The following TMEM87A variants were observed in gnomAD, a reference collection of about 807,000 sequenced individuals.
TMEM87A encodes transmembrane protein 87A.
Under a neutral mutation model 90.0 loss-of-function variants are expected in TMEM87A, and 50 were observed. The ratio of observed to expected loss-of-function variants is 0.56; its 90% confidence interval spans 0.44 to 0.70. The LOEUF is 0.70. TMEM87A is among the 30% of genes least tolerant of loss of function. TMEM87A has a pLI of 0.00. For missense variants in TMEM87A, 577 were observed against 660.5 expected, an observed-to-expected ratio of 0.87 and a Z score of 1.39; for synonymous variants, 226 against 226.7, an observed-to-expected ratio of 1.00 and a Z score of 0.03.
intron 6 of TMEM87A, among the ~76,000 whole-genome samples, chr15:42,253,252 C>G (rs2051117693): frequency 6.6e-6 from 1 of 152,192 alleles, no homozygotes; most frequent in Non-Finnish European, 1.5e-5. Context: ...AAGGTCTTTT[C>G]TGATCGTATG....
chr15:42,229,423 C>CA (rs907683298), intron 12 of TMEM87A, among the ~76,000 whole-genome samples: 54 of 143,584 alleles, frequency 3.8e-4, no homozygotes, highest in African/African-American at 9.2e-4. Flanking sequence ...TCTAGAGAAA[C>CA]AAAAAAAAAA....
chr15:42,221,998 T>A (rs1002539712), intron 15 of TMEM87A, among the ~76,000 whole-genome samples: 5 of 152,164 alleles, frequency 3.3e-5, no homozygotes, highest in African/African-American at 1.2e-4. Flanking sequence ...CAAGCAATCC[T>A]CCCGGCCAGA....
At chr15:42,220,170 A>T (rs777944688) in intron 15 of TMEM87A, 35 bp from the exon 16 acceptor site, 15 of 1,542,940 alleles carry the variant, frequency 9.7e-6, no homozygotes, top group South Asian at 1.2e-5. Flanking sequence ...GGAAAAAATT[A>T]GAAAACTTCA....
At chr15:42,254,013 TATTA>T (rs1005077376) in intron 6 of TMEM87A, among the ~76,000 whole-genome samples, 2 of 152,210 alleles carry the variant, frequency 1.3e-5, no homozygotes, top group African/African-American at 4.8e-5. Flanking sequence ...CCATCTCAAC[TATTA>T]ATTATTTTGT....
At chr15:42,248,746 T>G (rs577361883) in intron 6 of TMEM87A, among the ~76,000 whole-genome samples, 13 of 152,266 alleles carry the variant, frequency 8.5e-5, no homozygotes, top group Non-Finnish European at 1.9e-4. Flanking sequence ...AAAATTCTCT[T>G]TTTTTTGTTG....
intron 14 of TMEM87A, 148 bp downstream of exon 14, chr15:42,227,563 G>T (rs1001231832): frequency 6.3e-6 from 4 of 631,310 alleles, no homozygotes; most frequent in Non-Finnish European, 1.1e-5. Flanking sequence ...AGAATACTTA[G>T]GAGGAGGGAA....
chr15:42,240,312 C>A (rs926710999), intron 7 of TMEM87A, among the ~76,000 whole-genome samples: 2 of 151,960 alleles, frequency 1.3e-5, no homozygotes, highest in Non-Finnish European at 2.9e-5. Context: ...TTAACTCACA[C>A]AAAAAAATAT....
At chr15:42,252,908 C>A (rs1008492387) in intron 6 of TMEM87A, among the ~76,000 whole-genome samples, 1 of 152,154 alleles carries the variant, frequency 6.6e-6, no homozygotes. Context: ...ACTCTGGAAA[C>A]CACAATCTGC....
chr15:42,215,959 A>C (rs1378391647), intron 19 of TMEM87A, among the ~76,000 whole-genome samples: 1 of 152,242 alleles, frequency 6.6e-6, no homozygotes, highest in East Asian at 1.9e-4. Flanking sequence ...AACATTATTC[A>C]CAACAGCCAA....
intron 15 of TMEM87A, among the ~76,000 whole-genome samples, chr15:42,222,851 C>T (rs780917332): frequency 6.6e-6 from 1 of 152,134 alleles, no homozygotes; most frequent in Non-Finnish European, 1.5e-5. Flanking sequence ...TGAGCCATAG[C>T]GCCCGGCCTG....
chr15:42,243,790 G>A (rs1431414573), intron 7 of TMEM87A, among the ~76,000 whole-genome samples: 2 of 151,996 alleles, frequency 1.3e-5, no homozygotes, highest in Non-Finnish European at 2.9e-5. Context: ...AAAGTGCTAG[G>A]ATTACAGGCA....
At chr15:42,260,185 C>A (rs1230604017) in intron 6 of TMEM87A, among the ~76,000 whole-genome samples, 1 of 152,140 alleles carries the variant, frequency 6.6e-6, no homozygotes, top group Non-Finnish European at 1.5e-5. Flanking sequence ...CCAGCCTGGG[C>A]AACATGGTGA....
At chr15:42,213,433 C>T (rs2140906340) in intron 19 of TMEM87A, among the ~76,000 whole-genome samples, 1 of 152,296 alleles carries the variant, frequency 6.6e-6, no homozygotes, top group Non-Finnish European at 1.5e-5. Context: ...GAGAGATGGA[C>T]TGTGAAAATG....
intron 15 of TMEM87A, among the ~76,000 whole-genome samples, chr15:42,223,666 G>C (rs189842782): frequency 6.6e-6 from 1 of 152,252 alleles, no homozygotes; most frequent in African/African-American, 2.4e-5. Context: ...CTGACACTGC[G>C]AGCCAACAAA....
At position 42,218,500 on chromosome 15, in the gene TMEM87A, T is replaced by G. The variant is rs563651923; in HGVS notation, c.1540-122A>C. The G allele has an allele frequency of 4.7e-6, 4 of 857,740 alleles. No homozygotes were observed. In the African/African-American group the frequency reaches 6.9e-5, roughly 15 times the overall value. 53.1% of individuals were successfully genotyped at this position (857,740 alleles called of 1,614,324 possible). ...GTAGTCATACATTCACAAATGGGAC[T>G]GCTGACAGAAAAGTCAAATATTTTA... On this transcript the variant is annotated intron_variant, in intron 17 of 19. Transcript: ENST00000389834.
intron 6 of TMEM87A, among the ~76,000 whole-genome samples, chr15:42,253,627 A>G (rs1416934430): frequency 6.6e-6 from 1 of 152,166 alleles, no homozygotes; most frequent in Non-Finnish European, 1.5e-5. Flanking sequence ...CTGCACCACG[A>G]CTGCGAGTTG....
At chr15:42,218,248 T>C in intron 18 of TMEM87A, 75 bp downstream of exon 18, 1 of 1,407,414 alleles carries the variant, frequency 7.1e-7, no homozygotes, top group Non-Finnish European at 1.0e-6. Flanking sequence ...TGAGTATAAC[T>C]TGCTCATTTA....
chr15:42,225,149 C>T (rs191207407), intron 15 of TMEM87A, among the ~76,000 whole-genome samples: 3 of 152,220 alleles, frequency 2.0e-5, no homozygotes. Flanking sequence ...GACAGCAAGG[C>T]CATTTTCATG....
chr15:42,221,978 C>T lies in TMEM87A; in HGVS notation c.1404-1843G>A, dbSNP rs549217322. The stretch of plus-strand genomic sequence containing the variant: ...CTATATTGCCAGGGCTGGTCTCAAA[C>T]TCCTGGGCTCAAGCAATCCTCCCGG... On this transcript the variant is annotated intron_variant, in intron 15 of 19. Coordinates refer to ENST00000389834, the MANE Select transcript of TMEM87A (RefSeq NM_015497.5). 2.4e-4 allele frequency among the ~76,000 whole-genome samples: 36 copies of T among 152,228 alleles called. 1 individual carries two copies. In the South Asian group the frequency reaches 7.2e-3, roughly 31 times the overall value.
Sources: gnomAD v4.1 joint callset for allele counts (sites outside exome capture counted in the v4.1 genomes callset) on GRCh38, gnomAD v4.1.1 for gene constraint, MANE v1.5 for transcripts, NCBI Gene and HGNC (gene_info 2026-07-23, HGNC 2026-07-21) for gene names.